The following KRT20 variants were observed in gnomAD, a reference collection of about 807,000 sequenced individuals.
The protein encoded by KRT20 is keratin, type I cytoskeletal 20.
KRT20 carries 41 observed loss-of-function variants against 43.0 expected under a neutral mutation model. The ratio of observed to expected loss-of-function variants is 0.95; its 90% CI spans 0.74 to 1.24. KRT20 has a LOEUF of 1.24. Among genes scored for constraint, KRT20 ranks in the 50% most tolerant of loss-of-function variants. The probability of loss-of-function intolerance (pLI) is 0.00; values close to 1 mark genes in which losing one functional copy is unlikely to be tolerated. For missense variants in KRT20, 533 were observed against 521.2 expected (o/e 1.02, Z -0.22); for synonymous variants, 207 against 200.6 (o/e 1.03, Z -0.27).
At chr17:40,876,735 A>C (rs1907364422) in intron 7 of KRT20, among the ~76,000 whole-genome samples, 1 of 152,086 alleles carries the variant, frequency 6.6e-6, no homozygotes, top group Admixed American at 6.5e-5. Context: ...TTTCCTTTTC[A>C]GGATGTCAGG....
rs776454037 is a variant in KRT20 at position 40,878,225 on chromosome 17, G to C, written c.1059C>G (p.Tyr353Ter). Residue 353 changes from tyrosine to a stop codon, truncating the protein, a stop_gained, in exon 6 of 8, where the codon TAC (tyrosine) becomes TAG (stop). Transcript: ENST00000167588. LOFTEE classifies it high-confidence loss of function. ...RSNMERQNNEYHILLDIKTRL... is the reference protein window; with the variant it reads ...RSNMERQNNE ...GAGTCTTTATGTCAAGAAGGATATG[G>C]TATTCGTTGTTCTGGCGTTCCATGT... 1 of 1,614,036 alleles carries C rather than the reference G, an allele frequency of 6.2e-7. No homozygotes were observed. The highest frequency in any genetic ancestry group is 8.5e-7 in the Non-Finnish European group (1 of 1,180,014).
At position 40,884,984 on chromosome 17, in the gene KRT20, C is replaced by T; in HGVS notation, c.202G>A (p.Gly68Ser). The T allele has an allele frequency of 6.2e-7, 1 of 1,614,198 alleles. No homozygotes were observed. Among genetic ancestry groups the T allele is most frequent in the Non-Finnish European group, 8.5e-7 (1 of 1,180,048 alleles). The change falls in exon 1 of 8, where the codon GGC (glycine) becomes AGC (serine). Residue 68 changes from glycine to serine, a missense_variant. Physicochemically the swap from Gly to Ser is moderately conservative, Grantham distance 56. Transcript: ENST00000167588. ...DLTGGGDLFV[G>S]NEKMAMQNLN... The stretch of plus-strand genomic sequence containing the variant: ...TTCTGCATGGCCATTTTCTCATTGC[C>T]AACAAACAGGTCCCCGCCGCCTGTG...
intron 7 of KRT20, 140 bp downstream of exon 7, chr17:40,877,240 G>A: frequency 1.6e-6 from 1 of 641,700 alleles, no homozygotes. Context: ...TCTATTGTTT[G>A]TAAATTATCC....
intron 2 of KRT20, 141 bp downstream of exon 2, chr17:40,882,431 T>G (rs1375674249): frequency 2.9e-6 from 1 of 343,042 alleles, no homozygotes; most frequent in Non-Finnish European, 5.5e-6. Flanking sequence ...TACATGTAGC[T>G]TCTAACCTCC....
chr17:40,876,037 T>C lies in KRT20; in HGVS notation c.*324A>G, dbSNP rs1224734398. On this transcript the variant is annotated 3_prime_UTR_variant, in exon 8 of 8. Transcript: ENST00000167588. Reference sequence around the variant, plus strand: ...AGTATAATTGAAATGTATTGCAATTTTCAGGAACATTACCTACAAATTGAT... The same window carrying C: ...AGTATAATTGAAATGTATTGCAATTCTCAGGAACATTACCTACAAATTGAT... The C allele has an allele frequency of 4.8e-6, 1 of 207,986 alleles. No individual in the cohort carries two copies. Among genetic ancestry groups the C allele is most frequent in the Admixed American group, 5.7e-5 (1 of 17,438 alleles). 12.9% of individuals were successfully genotyped at this position (207,986 alleles called of 1,614,324 possible).
At chr17:40,880,529 C>T (rs894955978) in intron 3 of KRT20, 85 bp downstream of exon 3, 19 of 1,198,228 alleles carry the variant, frequency 1.6e-5, no homozygotes, top group Non-Finnish European at 2.1e-5. Flanking sequence ...CTTCCCCCTT[C>T]TCCTGTTTCT....
chr17:40,876,386 A>T lies in KRT20; in HGVS notation c.1250T>A (p.Val417Asp), dbSNP rs779821880. Reference sequence around the variant, plus strand: ...TTAGATATTTTCTTCCACCTCTTTGACTTCAGATGACACGACCTTGCCATC... The same window carrying T: ...TTAGATATTTTCTTCCACCTCTTTGTCTTCAGATGACACGACCTTGCCATC... ...VVDGKVVSSE[V>D]KEVEENI The change falls in exon 8 of 8, where the codon GTC (valine) becomes GAC (aspartate). Residue 417 changes from valine (V) to aspartate (D), a missense_variant. Val to Asp is a radical substitution (Grantham distance 152). Transcript: ENST00000167588. 2 of 1,612,460 alleles carry T rather than the reference A, an allele frequency of 1.2e-6. No individual in the cohort carries two copies. The highest frequency in any genetic ancestry group is 2.2e-5 in the South Asian group (2 of 91,022).
intron 1 of KRT20, among the ~76,000 whole-genome samples, chr17:40,883,408 G>GCCTGTGCTCTCATTATC (rs1486265092): frequency 1.3e-5 from 2 of 152,168 alleles, no homozygotes. Flanking sequence ...TGGATGATCT[G>GCCTGTGCTCTCATTATC]CCTGTGCTCT....
chr17:40,877,838 A>G lies in KRT20; in HGVS notation c.1139+307T>C, dbSNP rs1907411519. The stretch of plus-strand genomic sequence containing the variant: ...CAATTAGAATTTCCAAAAGGTTATT[A>G]TGCCTTCAATTATATATTAATGATG... On this transcript the variant is annotated intron_variant, in intron 6 of 7. Transcript: ENST00000167588. Among the ~76,000 whole-genome samples, 2 of 152,124 alleles carry G rather than the reference A, an allele frequency of 1.3e-5. 1 individual carries two copies. The highest frequency in any genetic ancestry group is 4.8e-5 in the African/African-American group (2 of 41,426).
In KRT20 at chr17:40,876,250, C is replaced by T; in HGVS notation, c.*111G>A. ...CCCGCCACCCCACCCCTTCTAATCA[C>T]TGCAGAGTATTAATAGTGCTTTCTT... On this transcript the variant is annotated 3_prime_UTR_variant, in exon 8 of 8. Transcript: ENST00000167588. 1.4e-6 allele frequency: 1 copy of T among 693,664 alleles called. No homozygotes were observed. The highest frequency in any genetic ancestry group is 1.8e-5 in the South Asian group (1 of 55,860). 43.0% of individuals were successfully genotyped at this position (693,664 alleles called of 1,614,324 possible). A position where few individuals can be genotyped will look rare whatever the true frequency, so the allele number is the denominator to read the frequency against.
chr17:40,884,785 T>A lies in KRT20; in HGVS notation c.390+11A>T. 6.2e-7 allele frequency: 1 copy of A among 1,605,330 alleles called. No homozygotes were observed. The highest frequency in any genetic ancestry group is 8.5e-7 in the Non-Finnish European group (1 of 1,174,250). ...AAACACAGAGTAGGAAACACAAGCATCATCTCTCACCTGACTTCGCAGCTC... is the reference window on the plus strand; with the variant it reads ...AAACACAGAGTAGGAAACACAAGCAACATCTCTCACCTGACTTCGCAGCTC... On this transcript the variant is annotated intron_variant, in intron 1 of 7. Coordinates refer to ENST00000167588, the MANE Select transcript of KRT20 (RefSeq NM_019010.3).
chr17:40,880,397 T>C, intron 3 of KRT20, 136 bp from the exon 4 acceptor site: 1 of 925,934 alleles, frequency 1.1e-6, no homozygotes, highest in South Asian at 1.8e-5. Context: ...TAACTTGTGT[T>C]GGGCTTATTG....
At chr17:40,877,815 A>G (rs964051645) in intron 6 of KRT20, among the ~76,000 whole-genome samples, 3 of 152,262 alleles carry the variant, frequency 2.0e-5, no homozygotes, top group Non-Finnish European at 2.9e-5. Flanking sequence ...TGAGCTCTCA[A>G]TTAGAATTTC....
rs759321465 is a variant in KRT20 at position 40,878,294 on chromosome 17, C to T, written c.990G>A (p.Ser330=). The change falls in exon 6 of 8, where the codon TCG becomes TCA. Residue 330 remains serine (S), a synonymous_variant. Coordinates refer to ENST00000167588, the MANE Select transcript of KRT20 (RefSeq NM_019010.3). The part of the protein sequence containing the change: ...RYSSQLANLQ[S]LLSSLEAQLM... ...GTTGGGCCTCCAGAGAGCTCAACAG[C>T]GACTGGAGGTTGGCTAACTGGCTGC... is the stretch of plus-strand genomic sequence containing the variant. 51 of 1,613,988 alleles carry T rather than the reference C, an allele frequency of 3.2e-5. No individual in the cohort carries two copies. Among genetic ancestry groups the T allele is most frequent in the East Asian group, 6.7e-5 (3 of 44,888 alleles).
intron 3 of KRT20, 126 bp downstream of exon 3, chr17:40,880,488 G>A (rs939999422): frequency 1.0e-5 from 9 of 857,640 alleles, no homozygotes; most frequent in Non-Finnish European, 1.6e-5. Context: ...TATTGTCATC[G>A]TCATCATCTC....
chr17:40,881,261 G>C (rs1043849283), intron 2 of KRT20, among the ~76,000 whole-genome samples: 137 of 143,966 alleles, frequency 9.5e-4, no homozygotes, highest in African/African-American at 3.5e-3. Context: ...GTGTGTGTGT[G>C]TATTTGAGAC....
intron 2 of KRT20, among the ~76,000 whole-genome samples, chr17:40,881,662 G>C (rs1907603464): frequency 6.6e-6 from 1 of 152,156 alleles, no homozygotes; most frequent in Non-Finnish European, 1.5e-5. Context: ...CTTTGGATTT[G>C]ATTTCCTATT....
chr17:40,883,521 C>A (rs1907686670), intron 1 of KRT20, among the ~76,000 whole-genome samples: 2 of 152,198 alleles, frequency 1.3e-5, no homozygotes, highest in African/African-American at 4.8e-5. Flanking sequence ...GTGCCCAGCA[C>A]CTAGTTAGTG....
At position 40,882,568 on chromosome 17, in the gene KRT20, C is replaced by G; in HGVS notation, c.473+4G>C. The G allele has an allele frequency of 6.5e-7, 1 of 1,539,278 alleles. No homozygotes were observed. Among genetic ancestry groups the G allele is most frequent in the Non-Finnish European group, 8.8e-7 (1 of 1,137,570 alleles). On this transcript the variant is annotated splice_donor_region_variant and intron_variant, in intron 2 of 7. Coordinates refer to ENST00000167588, the MANE Select transcript of KRT20 (RefSeq NM_019010.3). The stretch of plus-strand genomic sequence containing the variant: ...AAACTTTTGCCACGTATTAGGGAAC[C>G]TACTTCAGTCTGAAGTCCTCAGCAG...
Sources: gnomAD v4.1 joint callset for allele counts (sites outside exome capture counted in the v4.1 genomes callset) on GRCh38, gnomAD v4.1.1 for gene constraint, MANE v1.5 for transcripts, NCBI Gene and HGNC (gene_info 2026-07-23, HGNC 2026-07-21) for gene names.